Variants in PCDH11X observed in about 807,000 individuals in gnomAD.
The protein encoded by PCDH11X is protocadherin-11 X-linked.
PCDH11X carries 18 observed loss-of-function variants against 53.3 expected under a neutral mutation model. The observed-to-expected ratio is 0.34, with a 90% CI of 0.23 to 0.50. The LOEUF is 0.50. Among genes scored for constraint, PCDH11X ranks in the 20% least tolerant of loss-of-function variants. The pLI is 0.98. For missense variants in PCDH11X, 570 were observed against 1,032.4 expected (o/e 0.55, Z 6.14); for synonymous variants, 279 against 393.3 (o/e 0.71, Z 3.44).
rs1367916540 is a variant in PCDH11X at position 91,890,354 on chromosome X, C to T, written c.3033+11081C>T. Among the ~76,000 whole-genome samples, 6 of 111,203 alleles carry T rather than the reference C, an allele frequency of 5.4e-5. No homozygotes were observed. In the Admixed American group the frequency reaches 5.8e-4, roughly 11 times the overall value. On this transcript the variant is annotated intron_variant, in intron 6 of 10. Transcript: ENST00000682573. ...TTTCTAAACTATAATCACCCAGTAT[C>T]CCTGATATCATCCCATATATAATCT...
chrX:92,265,856 T>G (rs1002449771), intron 8 of PCDH11X, among the ~76,000 whole-genome samples: 8 of 112,247 alleles, frequency 7.1e-5, no homozygotes, highest in African/African-American at 2.6e-4. Context: ...AATAAGTGTT[T>G]TCATTGTGTT....
intron 7 of PCDH11X, among the ~76,000 whole-genome samples, chrX:92,238,286 G>A (rs991102607): frequency 2.7e-5 from 3 of 111,802 alleles, no homozygotes; most frequent in South Asian, 7.4e-4. Flanking sequence ...GTATATGTGT[G>A]TACTGTGAAT....
chrX:92,207,634 T>G (rs954823677), intron 7 of PCDH11X, among the ~76,000 whole-genome samples: 27 of 112,014 alleles, frequency 2.4e-4, no homozygotes, highest in Admixed American at 1.9e-3. Context: ...AATCATGTCT[T>G]ATTTTTACTG....
intron 6 of PCDH11X, among the ~76,000 whole-genome samples, chrX:92,076,272 A>T (rs2063771721): frequency 9.3e-6 from 1 of 107,632 alleles, no homozygotes. Flanking sequence ...TCTTTTTATA[A>T]CATTTTGCAT....
Position 92,268,915 on chromosome X carries a change from A to G in PCDH11X, c.3144+5772A>G, listed in dbSNP as rs189965288. 3.0e-4 allele frequency among the ~76,000 whole-genome samples: 34 copies of G among 112,342 alleles called. 1 individual carries two copies. The highest frequency in any genetic ancestry group is 2.8e-3 in the Admixed American group (30 of 10,644). ...CTGGCATTCAGTGTTACAACTGTTAATGTAGCCATCACCACAGGTGAATAT... is the reference window on the plus strand; with the variant it reads ...CTGGCATTCAGTGTTACAACTGTTAGTGTAGCCATCACCACAGGTGAATAT... On this transcript the variant is annotated intron_variant, in intron 8 of 10. Coordinates refer to ENST00000682573, the MANE Select transcript of PCDH11X (RefSeq NM_032968.5).
intron 8 of PCDH11X, among the ~76,000 whole-genome samples, chrX:92,276,810 A>G (rs1267240044): frequency 8.9e-6 from 1 of 111,746 alleles, no homozygotes; most frequent in East Asian, 2.8e-4. Context: ...TTTAGGGTCT[A>G]GGGCTGTAAA....
At chrX:92,299,709 TTATC>T (rs1418698385) in intron 8 of PCDH11X, among the ~76,000 whole-genome samples, 1 of 111,670 alleles carries the variant, frequency 9.0e-6, no homozygotes, top group Non-Finnish European at 1.9e-5. Context: ...CTTTTTTTCT[TTATC>T]TAGCTAGCAG....
intron 7 of PCDH11X, among the ~76,000 whole-genome samples, chrX:92,218,424 T>C (rs2066773118): frequency 9.2e-6 from 1 of 109,169 alleles, no homozygotes; most frequent in Non-Finnish European, 1.9e-5. Flanking sequence ...AACACCTCTA[T>C]GAAAATAAAC....
intron 10 of PCDH11X, among the ~76,000 whole-genome samples, chrX:92,509,186 T>C (rs1355845869): frequency 5.6e-5 from 6 of 107,427 alleles, no homozygotes; most frequent in Non-Finnish European, 1.2e-4. Context: ...ATACCATCAA[T>C]TGGACCATTA....
chrX:92,401,267 TTCC>T (rs2071382523), intron 9 of PCDH11X, among the ~76,000 whole-genome samples: 1 of 108,100 alleles, frequency 9.3e-6, no homozygotes, highest in Non-Finnish European at 1.9e-5. Context: ...CAAATAAACA[TTCC>T]TCCTCAAGGT....
chrX:91,854,819 T>C (rs1260621903), intron 5 of PCDH11X, among the ~76,000 whole-genome samples: 1 of 111,978 alleles, frequency 8.9e-6, no homozygotes, highest in African/African-American at 3.2e-5. Context: ...ATTCAAATCT[T>C]TTGCCCATTT....
At chrX:92,363,069 T>C (rs2070383798) in intron 8 of PCDH11X, among the ~76,000 whole-genome samples, 2 of 111,414 alleles carry the variant, frequency 1.8e-5, no homozygotes, top group Admixed American at 9.6e-5. Flanking sequence ...GTAGTAAGTT[T>C]ACAAGTAACT....
intron 6 of PCDH11X, among the ~76,000 whole-genome samples, chrX:91,894,133 T>C (rs1940635266): frequency 8.9e-6 from 1 of 112,161 alleles, no homozygotes; most frequent in Non-Finnish European, 1.9e-5. Context: ...ACATGTTTTA[T>C]AAAAAATCGT....
At chrX:92,036,691 C>T (rs1426088689) in intron 6 of PCDH11X, among the ~76,000 whole-genome samples, 3 of 110,779 alleles carry the variant, frequency 2.7e-5, no homozygotes, top group East Asian at 2.9e-4. Flanking sequence ...TAGAGAGGGG[C>T]GCTGCTGAAA....
chrX:92,099,638 G>A (rs2148132332), intron 6 of PCDH11X, among the ~76,000 whole-genome samples: 1 of 111,776 alleles, frequency 8.9e-6, no homozygotes, highest in South Asian at 3.7e-4. Context: ...CCCATAGAAA[G>A]CAAACAATAC....
chrX:91,828,731 G>A (rs1474384844), intron 4 of PCDH11X, among the ~76,000 whole-genome samples: 1 of 111,692 alleles, frequency 9.0e-6, no homozygotes, highest in Non-Finnish European at 1.9e-5. Flanking sequence ...TGTAGTTACT[G>A]ATTATGGATT....
chrX:91,895,584 A>G (rs1423355976), intron 6 of PCDH11X, among the ~76,000 whole-genome samples: 1 of 110,385 alleles, frequency 9.1e-6, no homozygotes, highest in Non-Finnish European at 1.9e-5. Context: ...CATGCCCCCA[A>G]GTTTTAACAC....
intron 10 of PCDH11X, among the ~76,000 whole-genome samples, chrX:92,568,214 G>A (rs752584515): frequency 9.1e-6 from 1 of 110,085 alleles, no homozygotes; most frequent in South Asian, 3.9e-4. Flanking sequence ...TAGGTCAGGA[G>A]ATCGAGACCA....
At chrX:92,508,460 A>T (rs965075039) in intron 10 of PCDH11X, among the ~76,000 whole-genome samples, 3 of 110,379 alleles carry the variant, frequency 2.7e-5, no homozygotes, top group Non-Finnish European at 5.7e-5. Flanking sequence ...TGACCTCGTG[A>T]TCCACCTGCC....
Sources: allele counts gnomAD v4.1 joint callset (sites outside exome capture counted in the v4.1 genomes callset), GRCh38; gene constraint gnomAD v4.1.1; transcripts MANE v1.5; gene names NCBI Gene and HGNC (gene_info 2026-07-23, HGNC 2026-07-21).